Variants in IQSEC2 observed in about 807,000 individuals in gnomAD.
IQSEC2 encodes IQ motif and SEC7 domain-containing protein 2.
Under a neutral mutation model 74.6 loss-of-function variants are expected in IQSEC2, and 6 were observed. The observed-to-expected ratio is 0.08, with a 90% confidence interval of 0.04 to 0.16. The LOEUF (loss-of-function observed/expected upper bound fraction) is 0.16, where lower values mean the gene tolerates loss of function less well. Ranked by LOEUF, IQSEC2 falls within the 10% of genes least tolerant of loss-of-function variation. The pLI, the probability that IQSEC2 is intolerant of heterozygous loss-of-function variation, is 1.00. For synonymous variants in IQSEC2, 494 were observed against 544.5 expected, an observed-to-expected ratio of 0.91 and a Z score of 1.29; for missense variants, 734 against 1,306.2, an observed-to-expected ratio of 0.56 and a Z score of 6.75.
chrX:53,235,323 T>C (rs1257655825), intron 14 of IQSEC2, 139 bp from the exon 15 acceptor site: 3 of 765,568 alleles, frequency 3.9e-6, no homozygotes, highest in Non-Finnish European at 3.8e-6. Flanking sequence ...CACAGTCCGG[T>C]ACGCGTATGT....
At chrX:53,282,874 C>T (rs1233459762) in intron 2 of IQSEC2, among the ~76,000 whole-genome samples, 1 of 110,761 alleles carries the variant, frequency 9.0e-6, no homozygotes, top group African/African-American at 3.3e-5. Context: ...GCTGAACCCT[C>T]TTGACCTGGC....
Position 53,250,385 on chromosome X carries a change from T to C in IQSEC2, c.2191A>G (p.Lys731Glu), listed in dbSNP as rs1265169917. ...CTTGTCTCCCGCTGGTAAGTCTGCT[T>C]GCACAGGCCGGTAGCCGGAGGCTCC... is the stretch of plus-strand genomic sequence containing the variant. ...LREPPATGLC[K>E]QTYQRETRHS... Residue 731 changes from lysine to glutamate, a missense_variant, in exon 5 of 15, where the codon AAG (lysine) becomes GAG (glutamate). Physicochemically the swap from Lys to Glu is moderately conservative, Grantham distance 56. Coordinates refer to ENST00000642864, the MANE Select transcript of IQSEC2 (RefSeq NM_001111125.3). The C allele has an allele frequency of 1.7e-6, 2 of 1,210,310 alleles. No homozygotes were observed. The highest frequency in any genetic ancestry group is 2.2e-6 in the Non-Finnish European group (2 of 895,070).
downstream of IQSEC2, chrX:53,225,982 CTGTG>C (rs1281038594): frequency 8.9e-6 from 1 of 112,609 alleles, no homozygotes; most frequent in Non-Finnish European, 1.9e-5. Flanking sequence ...CAAAATAAGC[CTGTG>C]TGTATGTATA....
intron 2 of IQSEC2, among the ~76,000 whole-genome samples, chrX:53,271,491 C>T (rs1357046808): frequency 9.0e-6 from 1 of 111,681 alleles, no homozygotes; most frequent in Non-Finnish European, 1.9e-5. Flanking sequence ...TCATCCTCGC[C>T]TCTTCCCTTT....
intron 1 of IQSEC2, among the ~76,000 whole-genome samples, chrX:53,313,195 C>T (rs782147362): frequency 1.8e-5 from 2 of 112,250 alleles, no homozygotes; most frequent in South Asian, 7.4e-4. Context: ...TGATCAGGAC[C>T]TTGATGTACG....
intron 1 of IQSEC2, among the ~76,000 whole-genome samples, chrX:53,299,704 G>T (rs1196040489): frequency 9.0e-6 from 1 of 111,632 alleles, no homozygotes; most frequent in African/African-American, 3.3e-5. Flanking sequence ...ATGCAGCTGG[G>T]AGTGGGGGAC....
rs782643791 is a variant in IQSEC2 at position 53,250,816 on chromosome X, C to T, written c.1760G>A (p.Arg587Gln). 4.1e-6 allele frequency: 5 copies of T among 1,207,280 alleles called. No homozygotes were observed. The highest frequency in any genetic ancestry group is 3.5e-5 in the African/African-American group (2 of 57,446). ...GGTAAGCAGGGGAAGGTGGGCAGCCCGCAGCCGGAAATCCCGGCACTCCAA... is the reference window on the plus strand; with the variant it reads ...GGTAAGCAGGGGAAGGTGGGCAGCCTGCAGCCGGAAATCCCGGCACTCCAA... ...GCLECRDFRL[R>Q]AAHLPLLTIE... The change falls in exon 5 of 15, where the codon CGG becomes CAG. Residue 587 changes from arginine (R) to glutamine (Q), a missense_variant. By Grantham distance (43) the Arg-to-Gln change is conservative (BLOSUM62 1). Transcript: ENST00000642864.
intron 2 of IQSEC2, among the ~76,000 whole-genome samples, chrX:53,273,122 T>C (rs1384967562): frequency 9.1e-6 from 1 of 109,346 alleles, no homozygotes; most frequent in Non-Finnish European, 1.9e-5. Context: ...GACTCCACTA[T>C]TTTTCCCCTA....
At chrX:53,308,655 G>C (rs1235461726) in intron 1 of IQSEC2, among the ~76,000 whole-genome samples, 1 of 111,486 alleles carries the variant, frequency 9.0e-6, no homozygotes, top group Non-Finnish European at 1.9e-5. Flanking sequence ...GAGATGGAGG[G>C]AAGGATGGCA....
intron 1 of IQSEC2, among the ~76,000 whole-genome samples, chrX:53,310,706 G>A (rs1179183541): frequency 9.0e-6 from 1 of 111,415 alleles, no homozygotes; most frequent in Non-Finnish European, 1.9e-5. Flanking sequence ...TGAGAGACCT[G>A]GCTGTCAGGC....
rs781851369 is a variant in IQSEC2 at position 53,256,669 on chromosome X, C to T, written c.738-608G>A. On this transcript the variant is annotated intron_variant, in intron 2 of 14. Transcript: ENST00000642864. Reference sequence around the variant, plus strand: ...CCCCTGCCCCCTGGTGCCTGGACTCCGGGCCAGGCCAAGCCAGTTCCCAGG... The same window carrying T: ...CCCCTGCCCCCTGGTGCCTGGACTCTGGGCCAGGCCAAGCCAGTTCCCAGG... Among the ~76,000 whole-genome samples the T allele has an allele frequency of 7.1e-5, 8 of 112,238 alleles. No homozygotes were observed. The East Asian group carries it at 1.1e-3, about 16-fold the overall frequency.
At chrX:53,297,372 C>T (rs2075163865) in intron 1 of IQSEC2, among the ~76,000 whole-genome samples, 1 of 110,659 alleles carries the variant, frequency 9.0e-6, no homozygotes, top group South Asian at 3.9e-4. Flanking sequence ...CATCCTATTA[C>T]CCAGGCTGCA....
At chrX:53,286,097 A>T (rs782034780) in intron 2 of IQSEC2, among the ~76,000 whole-genome samples, 9 of 112,177 alleles carry the variant, frequency 8.0e-5, no homozygotes, top group African/African-American at 2.6e-4. Flanking sequence ...AAAATTCCTG[A>T]GGCCACCAAG....
chrX:53,273,619 T>A (rs1265772625), intron 2 of IQSEC2, among the ~76,000 whole-genome samples: 1 of 112,390 alleles, frequency 8.9e-6, no homozygotes, highest in African/African-American at 3.2e-5. Context: ...TTTGAAATGA[T>A]GACAGGGTGT....
downstream of IQSEC2, chrX:53,227,483 G>C: frequency 3.4e-6 from 1 of 292,671 alleles, no homozygotes; most frequent in Non-Finnish European, 6.0e-6. Flanking sequence ...AGGGAAAAGG[G>C]AGCTGCTGGG....
intron 2 of IQSEC2, chrX:53,266,919 G>T (rs1556867784): frequency 1.3e-5 from 15 of 1,136,965 alleles, no homozygotes; most frequent in Admixed American, 2.6e-5. Flanking sequence ...GGAGGGGCTG[G>T]TTAAGGCTTT....
At chrX:53,285,720 T>C (rs1367237410) in intron 2 of IQSEC2, among the ~76,000 whole-genome samples, 2 of 112,498 alleles carry the variant, frequency 1.8e-5, no homozygotes, top group African/African-American at 6.5e-5. Flanking sequence ...CATAAAACTA[T>C]CAATTTTATT....
rs782694471 is a variant in IQSEC2 at position 53,255,950 on chromosome X, G to C, written c.849C>G (p.Gly283=). ...QLPPSSSHMG[G]PPAGVGLPWA... The stretch of plus-strand genomic sequence containing the variant: ...AGGGAAGGCCCACTCCAGCAGGGGG[G>C]CCCCCCATGTGGCTGCTGGAGGGGG... The change falls in exon 3 of 15, where the codon GGC becomes GGG. Residue 283 remains glycine, a synonymous_variant. Coordinates refer to ENST00000642864, the MANE Select transcript of IQSEC2 (RefSeq NM_001111125.3). 3 of 1,196,799 alleles carry C rather than the reference G, an allele frequency of 2.5e-6. No homozygotes were observed. The highest frequency in any genetic ancestry group is 3.0e-5 in the East Asian group (1 of 33,332).
chrX:53,237,951 A>G, intron 12 of IQSEC2, 194 bp downstream of exon 12: 4 of 479,953 alleles, frequency 8.3e-6, no homozygotes, highest in Non-Finnish European at 1.5e-5. Flanking sequence ...AGTTCAGGAT[A>G]ATAATGGGGT....
Sources: allele counts gnomAD v4.1 joint callset (sites outside exome capture counted in the v4.1 genomes callset), GRCh38; gene constraint gnomAD v4.1.1; transcripts MANE v1.5; gene names NCBI Gene and HGNC (gene_info 2026-07-23, HGNC 2026-07-21).